LTBP1: variants seen among roughly 807,000 people sequenced by gnomAD.
The protein encoded by LTBP1 is latent-transforming growth factor beta-binding protein 1.
A neutral mutation model predicts 207.6 loss-of-function variants in LTBP1; 129 were observed. The observed-to-expected ratio is 0.62, with a 90% CI of 0.54 to 0.72. The LOEUF (loss-of-function observed/expected upper bound fraction) is 0.72. Ranked by LOEUF, LTBP1 falls within the 30% of genes least tolerant of loss-of-function variation. The probability of loss-of-function intolerance (pLI) is 0.00; values close to 1 mark genes in which losing one functional copy is unlikely to be tolerated. For synonymous variants in LTBP1, 963 were observed against 833.7 expected (o/e 1.16, Z -2.67); for missense variants, 2,281 against 2,217.2 (o/e 1.03, Z -0.58).
chr2:32,978,992 A>G (rs1236971572), intron 2 of LTBP1, among the ~76,000 whole-genome samples: 2 of 151,890 alleles, frequency 1.3e-5, no homozygotes, highest in Non-Finnish European at 2.9e-5. Context: ...ATTGGCATAT[A>G]GTTGCTCATA....
chr2:33,353,198 T>G (rs1409593584), intron 26 of LTBP1, among the ~76,000 whole-genome samples: 1 of 152,094 alleles, frequency 6.6e-6, no homozygotes, highest in Admixed American at 6.6e-5. Flanking sequence ...AGCCTGGTCT[T>G]GAACTACTGA....
chr2:32,979,456 C>A (rs1339033926), intron 2 of LTBP1, among the ~76,000 whole-genome samples: 1 of 152,028 alleles, frequency 6.6e-6, no homozygotes, highest in African/African-American at 2.4e-5. Context: ...GCCCTCTGAT[C>A]GTTCAGGAGC....
At chr2:33,392,511 A>G in intron 32 of LTBP1, among the ~76,000 whole-genome samples, 1 of 152,146 alleles carries the variant, frequency 6.6e-6, no homozygotes, top group South Asian at 2.1e-4. Context: ...TAGGCTTTGC[A>G]GGTCATGTGG....
intron 3 of LTBP1, among the ~76,000 whole-genome samples, chr2:33,059,525 A>T (rs2077166084): frequency 1.3e-5 from 2 of 152,172 alleles, no homozygotes; most frequent in South Asian, 4.1e-4. Flanking sequence ...AATTTGGATA[A>T]AAAACAGAGA....
At chr2:33,319,221 A>G (rs1356929570) in intron 24 of LTBP1, among the ~76,000 whole-genome samples, 1 of 152,124 alleles carries the variant, frequency 6.6e-6, no homozygotes, top group African/African-American at 2.4e-5. Context: ...AACATGGTGG[A>G]ACCCCGTCTC....
intron 7 of LTBP1, among the ~76,000 whole-genome samples, chr2:33,215,124 G>A (rs979434910): frequency 6.6e-6 from 1 of 152,090 alleles, no homozygotes; most frequent in Non-Finnish European, 1.5e-5. Context: ...GACATCTGGA[G>A]TAGGGAGCTT....
chr2:33,221,118 GC>G (rs1166243672), intron 8 of LTBP1, among the ~76,000 whole-genome samples: 1 of 152,012 alleles, frequency 6.6e-6, no homozygotes, highest in Non-Finnish European at 1.5e-5. Context: ...TTGCACAGTA[GC>G]CTCTTAATAG....
chr2:33,157,383 C>G (rs1473757387), intron 5 of LTBP1, among the ~76,000 whole-genome samples: 2 of 152,296 alleles, frequency 1.3e-5, no homozygotes, highest in Non-Finnish European at 2.9e-5. Context: ...CCAAAGGATC[C>G]TGCGTGCAGG....
intron 15 of LTBP1, among the ~76,000 whole-genome samples, chr2:33,270,105 A>T (rs2093283602): frequency 1.3e-5 from 2 of 151,422 alleles, no homozygotes; most frequent in African/African-American, 4.9e-5. Context: ...TTTAGTAAGG[A>T]TGGGGTTTCA....
At chr2:33,008,114 T>G (rs1258314413) in intron 2 of LTBP1, among the ~76,000 whole-genome samples, 1 of 152,268 alleles carries the variant, frequency 6.6e-6, no homozygotes, top group African/African-American at 2.4e-5. Context: ...AAAGCTTATT[T>G]TTTATTGCCC....
chr2:33,317,062 T>G (rs17012833), intron 24 of LTBP1, among the ~76,000 whole-genome samples: 2,412 of 152,368 alleles, frequency 0.016, 50 homozygotes, highest in African/African-American at 0.047. Flanking sequence ...ACAATTATTT[T>G]GTCTTTTGCA....
intron 4 of LTBP1, among the ~76,000 whole-genome samples, chr2:33,118,034 G>A (rs1446913214): frequency 6.6e-6 from 1 of 152,114 alleles, no homozygotes; most frequent in African/African-American, 2.4e-5. Context: ...CTGCTCCTCT[G>A]AGACATCCTC....
At chr2:33,206,990 T>TA (rs2089934246) in intron 7 of LTBP1, among the ~76,000 whole-genome samples, 1 of 152,220 alleles carries the variant, frequency 6.6e-6, no homozygotes, top group South Asian at 2.1e-4. Context: ...TAACAGGAAT[T>TA]ATGATGTCAG....
chr2:33,379,344 G>A (rs1284656105), intron 31 of LTBP1, among the ~76,000 whole-genome samples: 1 of 151,834 alleles, frequency 6.6e-6, no homozygotes, highest in Non-Finnish European at 1.5e-5. Flanking sequence ...TGAGGAGCTG[G>A]GACTACAGGT....
chr2:32,952,529 C>T (rs1677307119), intron 2 of LTBP1, among the ~76,000 whole-genome samples: 1 of 152,204 alleles, frequency 6.6e-6, no homozygotes, highest in African/African-American at 2.4e-5. Context: ...CACATTTGTG[C>T]TCTTTCCAAG....
In LTBP1 at chr2:33,134,775, C is replaced by G. The variant is rs1004036347; in HGVS notation, c.1034-18C>G. On this transcript the variant is annotated intron_variant, in intron 4 of 33. Transcript: ENST00000404816. This position sits in a 1 kb window ranked among gnomAD's most constrained non-coding sequence, Gnocchi z 4.4. ...CTGATGTGTTTGTTGTTCTTTTTCT[C>G]CCTGCCTCCGCTCCTAGTGAGTAAC... The G allele has an allele frequency of 1.2e-6, 2 of 1,614,000 alleles. No individual in the cohort carries two copies. Among genetic ancestry groups the G allele is most frequent in the South Asian group, 1.1e-5 (1 of 91,050 alleles).
At chr2:32,997,139 C>T (rs1416768653) in intron 2 of LTBP1, among the ~76,000 whole-genome samples, 1 of 152,122 alleles carries the variant, frequency 6.6e-6, no homozygotes. Flanking sequence ...CCCACCTCGG[C>T]CTCCCAAGGT....
chr2:33,181,779 A>C (rs979362029), intron 5 of LTBP1, among the ~76,000 whole-genome samples: 3 of 152,224 alleles, frequency 2.0e-5, no homozygotes, highest in African/African-American at 7.2e-5. Flanking sequence ...GTCAACCTTA[A>C]CAATAACGTA....
rs75262002 is a variant in LTBP1 at position 33,132,663 on chromosome 2, G to T, written c.1034-2130G>T. Among the ~76,000 whole-genome samples the T allele has an allele frequency of 8.0e-3, 1,220 of 152,254 alleles. 11 individuals are homozygous for T. The highest frequency in any genetic ancestry group is 0.012 in the East Asian group (63 of 5,176). On this transcript the variant is annotated intron_variant, in intron 4 of 33. Transcript: ENST00000404816. ...GTCTGCTTGGCCACTAGGACATCTT[G>T]CCATTTCAGACAACATGTCTTGATC...
Sources: gnomAD v4.1 joint callset for allele counts (sites outside exome capture counted in the v4.1 genomes callset) on GRCh38, gnomAD v4.1.1 for gene constraint, Gnocchi (gnomAD v3.1) non-coding constraint, MANE v1.5 for transcripts, NCBI Gene and HGNC (gene_info 2026-07-23, HGNC 2026-07-21) for gene names.